The following DLGAP1 variants were observed in gnomAD, a reference collection of about 807,000 sequenced individuals.
The protein encoded by DLGAP1 is DLG associated protein 1.
DLGAP1 carries 11 observed loss-of-function variants against 90.8 expected under a neutral mutation model. That is an observed-to-expected ratio of 0.12 (90% CI 0.08 to 0.20). DLGAP1 has a LOEUF of 0.20. Among genes scored for constraint, DLGAP1 ranks in the 10% least tolerant of loss-of-function variants. DLGAP1 has a pLI of 1.00. For missense variants in DLGAP1, 1,050 were observed against 1,333.8 expected, an observed-to-expected ratio of 0.79 and a Z score of 3.31; for synonymous variants, 558 against 540.7, an observed-to-expected ratio of 1.03 and a Z score of -0.44.
chr18:3,597,627 C>G (rs1204960232), intron 7 of DLGAP1: 1 of 229,112 alleles, frequency 4.4e-6, no homozygotes, highest in African/African-American at 2.4e-5. Flanking sequence ...GACCCTCCCC[C>G]AAAGCAGCCC....
chr18:3,779,764 CTTT>C (rs11355225), intron 5 of DLGAP1, among the ~76,000 whole-genome samples: 2 of 142,478 alleles, frequency 1.4e-5, no homozygotes, highest in Admixed American at 7.0e-5. Context: ...TCAGTGCACC[CTTT>C]TTTTTTTTTT....
At chr18:4,255,501 GAAA>G (rs57248045) in intron 1 of DLGAP1, among the ~76,000 whole-genome samples, 2 of 134,986 alleles carry the variant, frequency 1.5e-5, no homozygotes, top group African/African-American at 6.3e-5. Flanking sequence ...ATATACAGAT[GAAA>G]AAAAAAATAT....
chr18:3,519,456 T>C (rs2051041183), intron 10 of DLGAP1, among the ~76,000 whole-genome samples: 1 of 152,174 alleles, frequency 6.6e-6, no homozygotes, highest in African/African-American at 2.4e-5. Flanking sequence ...ATCTTATCCA[T>C]TCTCAACTCA....
In DLGAP1 at chr18:4,151,257, T is replaced by C. The variant is rs2076671062; in HGVS notation, c.-236A>G. On this transcript the variant is annotated 5_prime_UTR_variant, in exon 2 of 13. Transcript: ENST00000315677. ...AATTGCAGGCTTTTTTTTAACCTGA[T>C]GTCACTCTGGGTATCTGATGTTCAA... 6.6e-6 allele frequency: 1 copy of C among 152,184 alleles called. No homozygotes were observed. Among genetic ancestry groups the C allele is most frequent in the African/African-American group, 2.4e-5 (1 of 41,458 alleles). 9.4% of individuals were successfully genotyped at this position (152,184 alleles called of 1,614,324 possible).
intron 1 of DLGAP1, chr18:4,294,408 G>A (rs1179279070): frequency 6.6e-6 from 1 of 152,256 alleles, no homozygotes; most frequent in Admixed American, 6.5e-5. Context: ...ATTCAGAGGT[G>A]GGTATAAGTG....
At chr18:3,639,359 G>GAGAAA (rs199859623) in intron 7 of DLGAP1, among the ~76,000 whole-genome samples, 29,035 of 136,442 alleles carry the variant, frequency 0.21, 3,524 homozygotes, top group East Asian at 0.37. Context: ...ATCTCAAAAA[G>GAGAAA]AGAAAAGAAA....
At chr18:3,700,826 GTC>G (rs1186361004) in intron 7 of DLGAP1, among the ~76,000 whole-genome samples, 1 of 151,720 alleles carries the variant, frequency 6.6e-6, no homozygotes, top group Non-Finnish European at 1.5e-5. Context: ...AGCCAGGATG[GTC>G]TCTGTCTCTT....
intron 1 of DLGAP1, among the ~76,000 whole-genome samples, chr18:4,168,830 C>G (rs539936124): frequency 7.2e-5 from 11 of 152,146 alleles, no homozygotes; most frequent in Non-Finnish European, 1.3e-4. Context: ...GTGATCCTAC[C>G]ACCTCAGCCT....
chr18:3,629,038 A>T lies in DLGAP1; in HGVS notation c.1592-46790T>A, dbSNP rs187735462. Among the ~76,000 whole-genome samples, 55 of 152,352 alleles carry T rather than the reference A, an allele frequency of 3.6e-4. No homozygotes were observed. In the East Asian group the frequency reaches 6.0e-3, roughly 17 times the overall value. ...CTTCATAATGTCAAATAATATTTTT[A>T]AAAATGTGGATATTGTCCCAACATA... is the stretch of plus-strand genomic sequence containing the variant. On this transcript the variant is annotated intron_variant, in intron 7 of 12. Transcript: ENST00000315677.
intron 3 of DLGAP1, among the ~76,000 whole-genome samples, chr18:3,994,298 T>C (rs573394502): frequency 2.6e-5 from 4 of 152,314 alleles, no homozygotes; most frequent in African/African-American, 7.2e-5. Context: ...CTAGTGCCCA[T>C]AGGCTTGGGG....
chr18:4,385,149 G>C (rs1304327439), intron 1 of DLGAP1, among the ~76,000 whole-genome samples: 1 of 152,140 alleles, frequency 6.6e-6, no homozygotes, highest in Non-Finnish European at 1.5e-5. Flanking sequence ...CAGACTTACT[G>C]ACACTAACAG....
intron 5 of DLGAP1, among the ~76,000 whole-genome samples, chr18:3,784,345 G>A (rs1568128669): frequency 6.6e-6 from 1 of 152,092 alleles, no homozygotes; most frequent in Non-Finnish European, 1.5e-5. Flanking sequence ...CAACCTGGGG[G>A]CCGGGTACTC....
intron 6 of DLGAP1, among the ~76,000 whole-genome samples, chr18:3,741,058 T>TCACCACCAC (rs1430015496): frequency 3.9e-5 from 1 of 25,902 alleles, no homozygotes; most frequent in African/African-American, 2.1e-4. Context: ...ACCACCACCA[T>TCACCACCAC]CACCACCACC....
At chr18:4,450,150 G>A (rs1340051249) in intron 1 of DLGAP1, among the ~76,000 whole-genome samples, 1 of 152,170 alleles carries the variant, frequency 6.6e-6, no homozygotes, top group Non-Finnish European at 1.5e-5. Flanking sequence ...CAAAGTCTGA[G>A]ACAAGATCAA....
intron 9 of DLGAP1, among the ~76,000 whole-genome samples, chr18:3,557,063 C>A (rs2053793897): frequency 6.6e-6 from 1 of 151,942 alleles, no homozygotes; most frequent in Non-Finnish European, 1.5e-5. Context: ...TTATTTATTT[C>A]TTTTATTGTG....
intron 1 of DLGAP1, among the ~76,000 whole-genome samples, chr18:4,264,041 T>A (rs1313395053): frequency 6.6e-6 from 1 of 152,230 alleles, no homozygotes; most frequent in African/African-American, 2.4e-5. Flanking sequence ...ATAAGTCATA[T>A]GTGCTTTGTT....
chr18:3,973,993 A>T (rs2073513658), intron 3 of DLGAP1, among the ~76,000 whole-genome samples: 1 of 152,342 alleles, frequency 6.6e-6, no homozygotes. Flanking sequence ...ACTGTCCTGA[A>T]TACTGTAGGC....
At chr18:3,827,530 T>C (rs1344445372) in intron 4 of DLGAP1, among the ~76,000 whole-genome samples, 1 of 152,218 alleles carries the variant, frequency 6.6e-6, no homozygotes, top group East Asian at 1.9e-4. Flanking sequence ...CTGCTGTTCA[T>C]GAATAGCTTT....
At chr18:4,039,498 C>T (rs2074944083) in intron 2 of DLGAP1, among the ~76,000 whole-genome samples, 1 of 151,922 alleles carries the variant, frequency 6.6e-6, no homozygotes, top group South Asian at 2.1e-4. Context: ...AAATAAATGC[C>T]TAGAAAATTG....
Sources: gnomAD v4.1 joint callset for allele counts (sites outside exome capture counted in the v4.1 genomes callset) on GRCh38, gnomAD v4.1.1 for gene constraint, MANE v1.5 for transcripts, NCBI Gene and HGNC (gene_info 2026-07-23, HGNC 2026-07-21) for gene names.